TENM4: variants seen among roughly 807,000 people sequenced by gnomAD.
TENM4 encodes the protein teneurin transmembrane protein 4.
TENM4 carries 82 observed loss-of-function variants against 243.3 expected under a neutral mutation model. The ratio of observed to expected loss-of-function variants is 0.34; its 90% CI spans 0.28 to 0.40. The LOEUF (loss-of-function observed/expected upper bound fraction) is 0.40, where lower values mean the gene tolerates loss of function less well. TENM4 is among the 10% of genes least tolerant of loss of function. TENM4 has a pLI of 1.00. For missense variants in TENM4, 3,138 were observed against 3,673.3 expected, an observed-to-expected ratio of 0.85 and a Z score of 3.77; for synonymous variants, 1,412 against 1,456.3, an observed-to-expected ratio of 0.97 and a Z score of 0.69.
rs1382552429 is a variant in TENM4, at chr11:79,186,148, GCTAC to G, written c.-163+29656_-163+29659del. 5.9e-5 allele frequency among the ~76,000 whole-genome samples: 9 copies of G among 152,280 alleles called. No individual in the cohort carries two copies. In the East Asian group the frequency reaches 1.7e-3, roughly 29 times the overall value. On this transcript the variant is annotated intron_variant, in intron 3 of 33. Transcript: ENST00000278550. ...AACTATATTCTTTCCTTTATACTATGCTACCTTTACTAATATTCCTATATCTTGG... is the reference window on the plus strand; with the variant it reads ...AACTATATTCTTTCCTTTATACTATGCTTTACTAATATTCCTATATCTTGG...
rs536292138 is a variant in TENM4, at chr11:79,253,690, T to C, written c.-264-37781A>G. On this transcript the variant is annotated intron_variant, in intron 2 of 33. Transcript: ENST00000278550. Reference sequence around the variant, plus strand: ...CTGTGGGGTGGGAATGGGCAGACCGTCCAAGAGGCTACAGAGGTTTCCCTG... The same window carrying C: ...CTGTGGGGTGGGAATGGGCAGACCGCCCAAGAGGCTACAGAGGTTTCCCTG... Among the ~76,000 whole-genome samples, 4 of 152,254 alleles carry C rather than the reference T, an allele frequency of 2.6e-5. No individual in the cohort carries two copies. In the South Asian group the frequency reaches 8.3e-4, roughly 32 times the overall value.
chr11:78,924,878 A>C (rs1273621995), intron 6 of TENM4: 2 of 152,252 alleles, frequency 1.3e-5, no homozygotes, highest in Admixed American at 1.3e-4. Flanking sequence ...TTACAGAAGC[A>C]GTAAGTTGGT....
intron 1 of TENM4, among the ~76,000 whole-genome samples, chr11:79,340,870 C>T (rs557035944): frequency 1.3e-5 from 2 of 152,164 alleles, no homozygotes; most frequent in South Asian, 4.2e-4. Context: ...ATGTCCTAAT[C>T]CCCAGAGTCT....
At chr11:78,710,551 G>A (rs764475907) in intron 26 of TENM4, among the ~76,000 whole-genome samples, 8 of 152,228 alleles carry the variant, frequency 5.3e-5, no homozygotes, top group Non-Finnish European at 1.2e-4. Flanking sequence ...GCCAAGACAG[G>A]CGTTTTCTTG....
intron 17 of TENM4, among the ~76,000 whole-genome samples, chr11:78,777,320 C>A (rs1856757632): frequency 6.6e-6 from 1 of 152,290 alleles, no homozygotes; most frequent in Non-Finnish European, 1.5e-5. Context: ...CTATGCGACA[C>A]CTTTGCTGTA....
chr11:78,724,081 TTTTC>T (rs1855460544), intron 23 of TENM4, among the ~76,000 whole-genome samples: 1 of 151,834 alleles, frequency 6.6e-6, no homozygotes, highest in Non-Finnish European at 1.5e-5. Flanking sequence ...TTCTTTTTTC[TTTTC>T]TTTCTTCTTT....
At chr11:79,223,739 C>G (rs1864206837) in intron 2 of TENM4, among the ~76,000 whole-genome samples, 1 of 152,180 alleles carries the variant, frequency 6.6e-6, no homozygotes, top group African/African-American at 2.4e-5. Flanking sequence ...GCCTCAGATG[C>G]CCCTGTAGTG....
At chr11:78,943,481 C>T (rs76242347) in intron 6 of TENM4, among the ~76,000 whole-genome samples, 1,952 of 152,330 alleles carry the variant, frequency 0.013, 39 homozygotes, top group African/African-American at 0.044. Flanking sequence ...TCCCTTCCTA[C>T]CCTCTGCCCC....
chr11:79,010,946 G>A (rs529392927), intron 6 of TENM4, among the ~76,000 whole-genome samples: 1 of 152,312 alleles, frequency 6.6e-6, no homozygotes, highest in Non-Finnish European at 1.5e-5. Context: ...GGGTCCTGGA[G>A]CAAGTTACTT....
rs1017185571 is a variant in TENM4 at position 79,094,370 on chromosome 11, C to T, written c.-65-24361G>A. On this transcript the variant is annotated intron_variant, in intron 4 of 33. Coordinates refer to ENST00000278550, the MANE Select transcript of TENM4 (RefSeq NM_001098816.3). ...AAATTCCATGTGACTGATGAAGACA[C>T]GGAGCTCAGGGGTGTGAAAAGAGTT... Among the ~76,000 whole-genome samples, 9 of 152,140 alleles carry T rather than the reference C, an allele frequency of 5.9e-5. No individual in the cohort carries two copies. The South Asian group carries it at 1.2e-3, about 21-fold the overall frequency.
chr11:78,884,407 T>C (rs1286586111), intron 9 of TENM4, among the ~76,000 whole-genome samples: 2 of 152,164 alleles, frequency 1.3e-5, no homozygotes, highest in African/African-American at 4.8e-5. Flanking sequence ...CAGCAAGTGA[T>C]ACAGCCAGGG....
intron 3 of TENM4, among the ~76,000 whole-genome samples, chr11:79,180,071 A>G (rs968882580): frequency 6.6e-6 from 1 of 151,808 alleles, no homozygotes; most frequent in Non-Finnish European, 1.5e-5. Context: ...GCTATTTTAT[A>G]TAAATATGTT....
At chr11:79,244,363 G>A (rs1279043798) in intron 2 of TENM4, among the ~76,000 whole-genome samples, 1 of 152,118 alleles carries the variant, frequency 6.6e-6, no homozygotes, top group Non-Finnish European at 1.5e-5. Context: ...GAGAGGGTCT[G>A]GAAGTGGGAT....
intron 6 of TENM4, among the ~76,000 whole-genome samples, chr11:78,931,847 A>G (rs1288156259): frequency 6.6e-6 from 1 of 152,144 alleles, no homozygotes; most frequent in African/African-American, 2.4e-5. Context: ...ATGGCAATAA[A>G]CCAGCTGCGG....
At chr11:79,415,296 A>C (rs948567706) in intron 1 of TENM4, among the ~76,000 whole-genome samples, 37 of 152,364 alleles carry the variant, frequency 2.4e-4, no homozygotes, top group African/African-American at 8.7e-4. Context: ...ACTCATGTCT[A>C]TGCCCCCAAG....
intron 2 of TENM4, among the ~76,000 whole-genome samples, chr11:79,262,818 T>C (rs1179631683): frequency 3.3e-5 from 5 of 152,210 alleles, no homozygotes; most frequent in Non-Finnish European, 7.3e-5. Flanking sequence ...AAAGTGAGGA[T>C]AATGACAATT....
chr11:78,804,189 C>A (rs1229225259), intron 15 of TENM4, among the ~76,000 whole-genome samples: 1 of 152,216 alleles, frequency 6.6e-6, no homozygotes, highest in African/African-American at 2.4e-5. Flanking sequence ...GATGCTATCA[C>A]TTTTTAGCTT....
intron 3 of TENM4, among the ~76,000 whole-genome samples, chr11:79,150,496 G>A (rs1862484678): frequency 1.3e-5 from 2 of 152,070 alleles, no homozygotes; most frequent in Non-Finnish European, 2.9e-5. Flanking sequence ...CTCCTTTTCA[G>A]AGAGATTTCC....
intron 12 of TENM4, among the ~76,000 whole-genome samples, chr11:78,823,717 T>C (rs1484352789): frequency 6.6e-6 from 1 of 152,104 alleles, no homozygotes; most frequent in Non-Finnish European, 1.5e-5. Context: ...TCTCGGTGCC[T>C]ATTTTCGTCC....
Sources: gnomAD v4.1 joint callset for allele counts (sites outside exome capture counted in the v4.1 genomes callset) on GRCh38, gnomAD v4.1.1 for gene constraint, MANE v1.5 for transcripts, NCBI Gene and HGNC (gene_info 2026-07-23, HGNC 2026-07-21) for gene names.